DECR2: variants seen among roughly 807,000 people sequenced by gnomAD.
DECR2 encodes the protein peroxisomal 2,4-dienoyl-CoA reductase [(3E)-enoyl-CoA-producing].
DECR2 carries 34 observed loss-of-function variants against 29.2 expected under a neutral mutation model. That is an observed-to-expected ratio of 1.16 (90% CI 0.89 to 1.55). The LOEUF (loss-of-function observed/expected upper bound fraction) is 1.55, where lower values mean the gene tolerates loss of function less well. DECR2 is among the 40% of genes most tolerant of loss of function. DECR2 has a pLI of 0.00. For synonymous variants in DECR2, 224 were observed against 182.7 expected, an observed-to-expected ratio of 1.23 and a Z score of -1.82; for missense variants, 485 against 425.3, an observed-to-expected ratio of 1.14 and a Z score of -1.23.
intron 4 of DECR2, among the ~76,000 whole-genome samples, chr16:409,292 C>CT (rs1347182662): frequency 6.6e-6 from 1 of 151,982 alleles, no homozygotes; most frequent in Non-Finnish European, 1.5e-5. Context: ...CTGCCTCAGT[C>CT]CCCCAGTAGC....
At chr16:408,875 A>G (rs1485586319) in intron 4 of DECR2, among the ~76,000 whole-genome samples, 3 of 146,244 alleles carry the variant, frequency 2.1e-5, no homozygotes, top group Non-Finnish European at 3.0e-5. Flanking sequence ...CTTGTTGCCC[A>G]GGCTGGAGTA....
At chr16:407,194 G>A (rs781091363) in intron 3 of DECR2, 16 of 1,353,144 alleles carry the variant, frequency 1.2e-5, no homozygotes, top group African/African-American at 1.5e-5. Context: ...GGAGGGCGAC[G>A]CAGAGGGAGG....
intron 4 of DECR2, among the ~76,000 whole-genome samples, chr16:409,152 CTTTA>C (rs2054779491): frequency 6.8e-6 from 1 of 147,174 alleles, no homozygotes; most frequent in Non-Finnish European, 1.5e-5. Context: ...ATTTTTATTT[CTTTA>C]TTTTTTATTT....
chr16:407,508 C>T lies in DECR2; in HGVS notation c.285C>T (p.Ala95=), dbSNP rs768044097. Residue 95 remains alanine (A), a synonymous_variant, in exon 4 of 9, where the codon GCC becomes GCT. Transcript: ENST00000219481. ...MDVRAPPAVM[A]AVDQALKEFG... is the part of the protein sequence containing the mutation. ...TCCGAGCGCCCCCAGCTGTCATGGCCGCCGTGGACCAGGCTCTGAAGGAGT... is the reference window on the plus strand; with the variant it reads ...TCCGAGCGCCCCCAGCTGTCATGGCTGCCGTGGACCAGGCTCTGAAGGAGT... 1.9e-5 allele frequency: 31 copies of T among 1,613,978 alleles called. No individual in the cohort carries two copies. Among genetic ancestry groups the T allele is most frequent in the Middle Eastern group, 1.7e-4 (1 of 6,044 alleles).
rs1180705062 is a variant in DECR2 at position 411,465 on chromosome 16, C to G, written c.766C>G (p.Leu256Val). Residue 256 changes from leucine (L) to valine (V), a missense_variant, in exon 8 of 9, where the codon CTG becomes GTG. Transcript: ENST00000219481. Reference protein sequence around the residue: ...AHSVLYLASPLASYVTGAVLV... With the variant: ...AHSVLYLASPVASYVTGAVLV... ...CAGCGTGCTCTACCTGGCCAGCCCT[C>G]TGGCTTCCTACGTGACGGGGGCCGT... 1.2e-6 allele frequency: 2 copies of G among 1,613,792 alleles called. No homozygotes were observed. The highest frequency in any genetic ancestry group is 2.7e-5 in the African/African-American group (2 of 74,950).
At chr16:411,862 C>T (rs1002489611) in intron 8 of DECR2, 28 bp from the exon 9 acceptor site, 8 of 425,040 alleles carry the variant, frequency 1.9e-5, no homozygotes, top group South Asian at 4.8e-5. Flanking sequence ...CGTCCTCAGC[C>T]GGCTACTAAG....
Position 410,607 on chromosome 16 carries a change from C to A in DECR2, c.463-84C>A. The stretch of plus-strand genomic sequence containing the variant: ...CGGCCGCCCGCTCCCTGCCCCGGGC[C>A]TCCCCCTGACAGCCACCCGCTCACT... On this transcript the variant is annotated intron_variant, in intron 5 of 8. Coordinates refer to ENST00000219481, the MANE Select transcript of DECR2 (RefSeq NM_020664.4). This position sits in a 1 kb window ranked among gnomAD's most constrained non-coding sequence, Gnocchi z 4.1. The A allele has an allele frequency of 7.0e-7, 1 of 1,426,220 alleles. No homozygotes were observed. The highest frequency in any genetic ancestry group is 9.7e-7 in the Non-Finnish European group (1 of 1,035,700). The allele number at this position is 1,426,220 out of a possible 1,614,324, so 88.3% of individuals were successfully genotyped here. A position where few individuals can be genotyped will look rare whatever the true frequency, so the allele number is the denominator to read the frequency against.
intron 4 of DECR2, chr16:409,966 G>A (rs2054790907): frequency 4.2e-6 from 2 of 470,674 alleles, no homozygotes; most frequent in Non-Finnish European, 7.7e-6. Flanking sequence ...AGTGTAATTC[G>A]ATTATCTCTG....
At chr16:404,616 TTTTTA>T (rs942416364) in intron 1 of DECR2, among the ~76,000 whole-genome samples, 1 of 151,760 alleles carries the variant, frequency 6.6e-6, no homozygotes, top group South Asian at 2.1e-4. Context: ...TTTTTATTTA[TTTTTA>T]TTTTATTTTA....
At position 401,928 on chromosome 16, in the gene DECR2, C is replaced by T. The variant is rs1052259681; in HGVS notation, c.-36C>T. The stretch of plus-strand genomic sequence containing the variant: ...CGGGTCCTGGAGGCCGAGGCCGCTC[C>T]CGCCCGTTGTCCCCGCAGTCCCCGA... On this transcript the variant is annotated 5_prime_UTR_variant, in exon 1 of 9. Transcript: ENST00000219481. The T allele has an allele frequency of 6.8e-7, 1 of 1,472,210 alleles. No homozygotes were observed. The highest frequency in any genetic ancestry group is 8.9e-7 in the Non-Finnish European group (1 of 1,117,980). The allele number at this position is 1,472,210 out of a possible 1,614,324, so 91.2% of individuals were successfully genotyped here.
chr16:406,262 A>G, intron 2 of DECR2, 84 bp from the exon 3 acceptor site: 1 of 1,446,994 alleles, frequency 6.9e-7, no homozygotes, highest in Admixed American at 1.8e-5. Flanking sequence ...CTTCCGCCTG[A>G]GAGACTCCTG....
At chr16:402,169 T>G in intron 1 of DECR2, 126 bp downstream of exon 1, 1 of 748,504 alleles carries the variant, frequency 1.3e-6, no homozygotes, top group Non-Finnish European at 1.9e-6. Flanking sequence ...CCTTTCTTTC[T>G]TTTTTCTTTC....
At chr16:402,357 C>T (rs996700171) in intron 1 of DECR2, among the ~76,000 whole-genome samples, 3 of 151,982 alleles carry the variant, frequency 2.0e-5, no homozygotes, top group Admixed American at 1.3e-4. Flanking sequence ...TCTTTTCGAA[C>T]TCCTGACCTC....
At chr16:403,214 G>T (rs34055351) in intron 1 of DECR2, among the ~76,000 whole-genome samples, 152,222 of 152,222 alleles carry the variant, frequency 1, 76,111 homozygotes, top group Non-Finnish European at 1. Context: ...AGAGGTGAGT[G>T]TCACCATGTT....
chr16:411,286 G>T, intron 7 of DECR2, 75 bp from the exon 8 acceptor site: 2 of 1,446,452 alleles, frequency 1.4e-6, no homozygotes, highest in African/African-American at 1.4e-5. Flanking sequence ...ATGCCTCTCA[G>T]GGAATGAGCT....
chr16:403,864 C>G (rs1165248873), intron 1 of DECR2, among the ~76,000 whole-genome samples: 1 of 152,124 alleles, frequency 6.6e-6, no homozygotes, highest in Non-Finnish European at 1.5e-5. Flanking sequence ...GATGACGTAG[C>G]AAGAACCTGT....
intron 1 of DECR2, chr16:403,054 A>C: frequency 1.0e-6 from 1 of 965,656 alleles, no homozygotes; most frequent in Non-Finnish European, 1.2e-6. Context: ...TTCTGCAGGA[A>C]AAAAAAAAAG....
In DECR2 at chr16:411,404, G is replaced by A. The variant is rs553093118; in HGVS notation, c.705G>A (p.Pro235=). ...TGAGCACCAAGGTCACTGCCAGCCCGCTGCAGAGGCTGGGGAACAAGACCG... is the reference window on the plus strand; with the variant it reads ...TGAGCACCAAGGTCACTGCCAGCCCACTGCAGAGGCTGGGGAACAAGACCG... The part of the protein sequence containing the change: ...ASLSTKVTAS[P]LQRLGNKTEI... Residue 235 remains proline (P), a synonymous_variant, in exon 8 of 9, where the codon CCG becomes CCA. Transcript: ENST00000219481. 4.0e-5 allele frequency: 64 copies of A among 1,612,446 alleles called. 2 individuals are homozygous for A. Among genetic ancestry groups the A allele is most frequent in the South Asian group, 3.2e-4 (29 of 91,078 alleles).
intron 7 of DECR2, 42 bp downstream of exon 7, chr16:411,118 C>G: frequency 6.9e-7 from 1 of 1,458,664 alleles, no homozygotes; most frequent in East Asian, 2.5e-5. Flanking sequence ...AGATCCTCTC[C>G]TGGGGCACAG....
Sources: gnomAD v4.1 joint callset for allele counts (sites outside exome capture counted in the v4.1 genomes callset) on GRCh38, gnomAD v4.1.1 for gene constraint, Gnocchi (gnomAD v3.1) non-coding constraint, MANE v1.5 for transcripts, NCBI Gene and HGNC (gene_info 2026-07-23, HGNC 2026-07-21) for gene names.